The following REG1A variants were observed in gnomAD, a reference collection of about 807,000 sequenced individuals.
REG1A encodes regenerating family member 1 alpha.
In REG1A, 20 loss-of-function variants were observed where a neutral mutation model predicts 20.7. The observed-to-expected ratio is 0.97, with a 90% CI of 0.68 to 1.41. The LOEUF (loss-of-function observed/expected upper bound fraction) is 1.41, where lower values mean the gene tolerates loss of function less well. Ranked by LOEUF, REG1A falls within the 40% of genes most tolerant of loss-of-function variation. The pLI, the probability that REG1A is intolerant of heterozygous loss-of-function variation, is 0.00. For missense variants in REG1A, 193 were observed against 201.8 expected, an observed-to-expected ratio of 0.96 and a Z score of 0.26; for synonymous variants, 90 against 71.6, an observed-to-expected ratio of 1.26 and a Z score of -1.30.
rs764772254 is a variant in REG1A, at chr2:79,122,870, C to A, written c.351C>A (p.Ser117=). ...KNRRWHWSSG[S]LVSYKSWGIG... ...GCCGCTGGCACTGGAGCAGTGGGTCCCTGGTCTCCTACAAGTCCTGGGGCA... is the reference window on the plus strand; with the variant it reads ...GCCGCTGGCACTGGAGCAGTGGGTCACTGGTCTCCTACAAGTCCTGGGGCA... Residue 117 remains serine, a synonymous_variant, in exon 5 of 6, where the codon TCC becomes TCA. Transcript: ENST00000233735. 9.3e-6 allele frequency: 15 copies of A among 1,613,500 alleles called. No individual in the cohort carries two copies. The highest frequency in any genetic ancestry group is 1.3e-5 in the Non-Finnish European group (15 of 1,179,982).
intron 4 of REG1A, among the ~76,000 whole-genome samples, chr2:79,122,554 G>A (rs1202539640): frequency 6.6e-6 from 1 of 151,996 alleles, no homozygotes; most frequent in African/African-American, 2.4e-5. Flanking sequence ...TGCTATGCTG[G>A]ATATGAGGGT....
chr2:79,121,914 C>T (rs941735661), intron 3 of REG1A, 74 bp from the exon 4 acceptor site: 15 of 1,576,210 alleles, frequency 9.5e-6, no homozygotes, highest in African/African-American at 4.1e-5. Context: ...TTTTCTGACC[C>T]GTCCTCTTGG....
chr2:79,122,209 C>A, intron 4 of REG1A, 84 bp downstream of exon 4: 1 of 1,411,606 alleles, frequency 7.1e-7, no homozygotes, highest in Non-Finnish European at 9.7e-7. Flanking sequence ...TAAGTACCAG[C>A]TTTTATCGCT....
At chr2:79,122,792 A>G in intron 4 of REG1A, 49 bp from the exon 5 acceptor site, 2 of 1,257,522 alleles carry the variant, frequency 1.6e-6, no homozygotes, top group Non-Finnish European at 2.3e-6. Flanking sequence ...CAGTGATTCC[A>G]TGTATTTTTG....
In REG1A at chr2:79,121,582, T is replaced by C. The variant is rs1672886460; in HGVS notation, c.85T>C (p.Leu29=). 6.2e-7 allele frequency: 1 copy of C among 1,613,944 alleles called. No homozygotes were observed. Among genetic ancestry groups the C allele is most frequent in the South Asian group, 1.1e-5 (1 of 91,072 alleles). ...TTCAGGCCAAGAGGCCCAGACAGAG[T>C]TGCCCCAGGCCCGGATCAGCTGCCC... is the stretch of plus-strand genomic sequence containing the variant. ...QSQGQEAQTE[L]PQARISCPEG... is the part of the protein sequence containing the mutation. The change falls in exon 3 of 6, where the codon TTG becomes CTG. Residue 29 remains leucine (L), a synonymous_variant. Transcript: ENST00000233735.
Position 79,121,585 on chromosome 2 carries a change from C to A in REG1A, c.88C>A (p.Pro30Thr). Residue 30 changes from proline to threonine, a missense_variant, in exon 3 of 6, where the codon CCC (proline) becomes ACC (threonine). Physicochemically the swap from Pro to Thr is conservative, Grantham distance 38. Coordinates refer to ENST00000233735, the MANE Select transcript of REG1A (RefSeq NM_002909.5). Reference protein sequence around the residue: ...SQGQEAQTELPQARISCPEGT... With the variant: ...SQGQEAQTELTQARISCPEGT... ...AGGCCAAGAGGCCCAGACAGAGTTG[C>A]CCCAGGCCCGGATCAGCTGCCCAGA... 2 of 1,614,074 alleles carry A rather than the reference C, an allele frequency of 1.2e-6. No individual in the cohort carries two copies. Among genetic ancestry groups the A allele is most frequent in the Non-Finnish European group, 1.7e-6 (2 of 1,179,970 alleles).
rs780133967 is a variant in REG1A, at chr2:79,123,177, G to A, written c.463G>A (p.Glu155Lys). 6.2e-7 allele frequency: 1 copy of A among 1,613,130 alleles called. No individual in the cohort carries two copies. Among genetic ancestry groups the A allele is most frequent in the South Asian group, 1.1e-5 (1 of 91,020 alleles). ...GFQKWKDVPC[E>K]DKFSFVCKFK... ...CCAGAAATGGAAGGATGTGCCTTGTGAAGACAAGTTCTCCTTTGTCTGCAA... is the reference window on the plus strand; with the variant it reads ...CCAGAAATGGAAGGATGTGCCTTGTAAAGACAAGTTCTCCTTTGTCTGCAA... Residue 155 changes from glutamate (E) to lysine (K), a missense_variant, in exon 6 of 6, where the codon GAA becomes AAA. Coordinates refer to ENST00000233735, the MANE Select transcript of REG1A (RefSeq NM_002909.5).
At chr2:79,122,455 T>G (rs1672901866) in intron 4 of REG1A, among the ~76,000 whole-genome samples, 1 of 152,162 alleles carries the variant, frequency 6.6e-6, no homozygotes, top group Non-Finnish European at 1.5e-5. Context: ...AGGAGACTTG[T>G]GGTAAAAATC....
At chr2:79,121,420 G>A in intron 2 of REG1A, 142 bp from the exon 3 acceptor site, 1 of 704,274 alleles carries the variant, frequency 1.4e-6, no homozygotes, top group Non-Finnish European at 2.5e-6. Flanking sequence ...AGAAGATGTA[G>A]GATGCAGGAG....
At chr2:79,123,114 T>A (rs771077393) in intron 5 of REG1A, 34 bp from the exon 6 acceptor site, 1 of 1,565,312 alleles carries the variant, frequency 6.4e-7, no homozygotes, top group East Asian at 2.3e-5. Context: ...CTCTTTCGGG[T>A]CTCCCAGTTG....
At chr2:79,121,881 C>A in intron 3 of REG1A, 107 bp from the exon 4 acceptor site, 1 of 1,470,048 alleles carries the variant, frequency 6.8e-7, no homozygotes, top group South Asian at 1.2e-5. Context: ...ACAGCATCAT[C>A]ACGGACATTA....
chr2:79,121,916 TC>T, intron 3 of REG1A, 71 bp from the exon 4 acceptor site: 1 of 1,585,334 alleles, frequency 6.3e-7, no homozygotes, highest in Non-Finnish European at 8.6e-7. Flanking sequence ...TTCTGACCCG[TC>T]CTCTTGGAGG....
Position 79,122,108 on chromosome 2 carries a change from C to G in REG1A, c.304C>G (p.Leu102Val). The G allele has an allele frequency of 6.2e-7, 1 of 1,614,026 alleles. No homozygotes were observed. Residue 102 changes from leucine to valine, a missense_variant, in exon 4 of 6, where the codon CTC becomes GTC. Leu to Val is a conservative substitution (Grantham distance 32, BLOSUM62 1). Transcript: ENST00000233735. ...TGATGACTTCAATGTCTGGATTGGC[C>G]TCCATGACCCCAAAAAGGTAGGCTG... Reference protein sequence around the residue: ...GTDDFNVWIGLHDPKKNRRWH... With the variant: ...GTDDFNVWIGVHDPKKNRRWH...
intron 4 of REG1A, among the ~76,000 whole-genome samples, chr2:79,122,473 G>C (rs183618718): frequency 5.1e-4 from 77 of 152,274 alleles, no homozygotes; most frequent in African/African-American, 1.8e-3. Flanking sequence ...ATCTGCTGCT[G>C]TACTGCTGGC....
At chr2:79,122,225 G>A (rs1672897972) in intron 4 of REG1A, 100 bp downstream of exon 4, 1 of 1,315,316 alleles carries the variant, frequency 7.6e-7, no homozygotes, top group Non-Finnish European at 1.1e-6. Context: ...TCGCTTTCCA[G>A]AAATCAGGCT....
Position 79,121,733 on chromosome 2 carries a change from G to A in REG1A, c.183+53G>A, listed in dbSNP as rs771591705. The A allele has an allele frequency of 5.2e-6, 8 of 1,536,830 alleles. No individual in the cohort carries two copies. In the African/African-American group the frequency reaches 1.1e-4, roughly 21 times the overall value. On this transcript the variant is annotated intron_variant, in intron 3 of 5. Transcript: ENST00000233735. ...GAGACTCATGAAGGGAGGGGAAGCT[G>A]CCACTCTCCAGTGTGTTCAGTGGCT...
chr2:79,122,296 G>A, intron 4 of REG1A, 171 bp downstream of exon 4: 1 of 630,452 alleles, frequency 1.6e-6, no homozygotes, highest in Non-Finnish European at 2.6e-6. Context: ...GGAGATATAA[G>A]TGGAAGGCTG....
chr2:79,121,863 G>T lies in REG1A; in HGVS notation c.184-125G>T, dbSNP rs1672890976. 46 of 1,413,176 alleles carry T rather than the reference G, an allele frequency of 3.3e-5. 1 individual carries two copies. The South Asian group carries it at 5.3e-4, about 16-fold the overall frequency. 87.5% of individuals were successfully genotyped at this position (1,413,176 alleles called of 1,614,324 possible). A position where few individuals can be genotyped will look rare whatever the true frequency, so the allele number is the denominator to read the frequency against. On this transcript the variant is annotated intron_variant, in intron 3 of 5. Transcript: ENST00000233735. ...ACATTCCCAGCACAAAGAACCTGGT[G>T]GTCAGTGACAGCATCATCACGGACA...
Position 79,122,120 on chromosome 2 carries a change from A to C in REG1A, c.316A>C (p.Lys106Gln). The C allele has an allele frequency of 6.2e-7, 1 of 1,613,738 alleles. No individual in the cohort carries two copies. Among genetic ancestry groups the C allele is most frequent in the Non-Finnish European group, 8.5e-7 (1 of 1,179,832 alleles). ...FNVWIGLHDP[K>Q]KNRRWHWSSG... is the part of the protein sequence containing the mutation. ...TGTCTGGATTGGCCTCCATGACCCC[A>C]AAAAGGTAGGCTGCAGCCTTCTTTA... Residue 106 changes from lysine (K) to glutamine (Q), a missense_variant, in exon 4 of 6, where the codon AAA becomes CAA. Lys to Gln is a moderately conservative substitution (Grantham distance 53). Coordinates refer to ENST00000233735, the MANE Select transcript of REG1A (RefSeq NM_002909.5).
Sources: allele counts gnomAD v4.1 joint callset (sites outside exome capture counted in the v4.1 genomes callset), GRCh38; gene constraint gnomAD v4.1.1; transcripts MANE v1.5; gene names NCBI Gene and HGNC (gene_info 2026-07-23, HGNC 2026-07-21).